IFT88: variants seen among roughly 807,000 people sequenced by gnomAD.
The protein encoded by IFT88 is intraflagellar transport protein 88 homolog.
Under a neutral mutation model 119.5 loss-of-function variants are expected in IFT88, and 74 were observed. The ratio of observed to expected loss-of-function variants is 0.62; its 90% CI spans 0.51 to 0.75. The LOEUF (loss-of-function observed/expected upper bound fraction) is 0.75, where lower values mean the gene tolerates loss of function less well. IFT88 is among the 30% of genes least tolerant of loss of function. The pLI, the probability that IFT88 is intolerant of heterozygous loss-of-function variation, is 0.00. For missense variants in IFT88, 961 were observed against 977.7 expected (o/e 0.98, Z 0.23); for synonymous variants, 279 against 316.7 (o/e 0.88, Z 1.26).
At chr13:20,663,394 T>C in intron 22 of IFT88, 104 bp from the exon 23 acceptor site, 1 of 1,546,928 alleles carries the variant, frequency 6.5e-7, no homozygotes, top group African/African-American at 1.4e-5. Flanking sequence ...TTTGTAAGCA[T>C]CATTCCTACC....
intron 9 of IFT88, 38 bp from the exon 10 acceptor site, chr13:20,598,613 G>A (rs758597428): frequency 8.1e-7 from 1 of 1,241,204 alleles, no homozygotes; most frequent in Non-Finnish European, 1.2e-6. Flanking sequence ...GGCCTAAAGT[G>A]GTCTTATGTG....
chr13:20,630,882 C>G, intron 15 of IFT88, 134 bp from the exon 16 acceptor site: 1 of 498,236 alleles, frequency 2.0e-6, no homozygotes, highest in Non-Finnish European at 3.6e-6. Flanking sequence ...AATCTGTTTT[C>G]TTGAACATCT....
intron 20 of IFT88, among the ~76,000 whole-genome samples, chr13:20,650,272 T>A (rs1482997294): frequency 2.6e-5 from 4 of 152,190 alleles, no homozygotes; most frequent in Non-Finnish European, 5.9e-5. Flanking sequence ...AAGAAGTACA[T>A]CATTCGCAAG....
chr13:20,628,568 T>C (rs996440249), intron 15 of IFT88, among the ~76,000 whole-genome samples: 1 of 152,224 alleles, frequency 6.6e-6, no homozygotes, highest in Non-Finnish European at 1.5e-5. Context: ...TAAAAACATA[T>C]TTTATGTAGA....
rs2047206217 is a variant in IFT88, at chr13:20,625,842, A to G, written c.1292A>G (p.Tyr431Cys). Residue 431 changes from tyrosine (Y) to cysteine (C), a missense_variant, in exon 15 of 26, where the codon TAT becomes TGT. Physicochemically the swap from Tyr to Cys is radical, Grantham distance 194. Transcript: ENST00000351808. ...KAVTYLRQKD[Y>C]NQAVEILKVL... Reference sequence around the variant, plus strand: ...GTTACATACTTGAGACAAAAAGACTATAACCAAGTAAGTTTTAAAAAAAAT... The same window carrying G: ...GTTACATACTTGAGACAAAAAGACTGTAACCAAGTAAGTTTTAAAAAAAAT... The G allele has an allele frequency of 1.9e-6, 3 of 1,576,586 alleles. No individual in the cohort carries two copies. Among genetic ancestry groups the G allele is most frequent in the Non-Finnish European group, 2.6e-6 (3 of 1,165,354 alleles).
intron 1 of IFT88, among the ~76,000 whole-genome samples, chr13:20,568,747 G>T (rs532708256): frequency 8.6e-5 from 13 of 151,538 alleles, no homozygotes; most frequent in African/African-American, 2.7e-4. Context: ...AGACGGAGTC[G>T]CACGCTCTGT....
intron 23 of IFT88, 124 bp downstream of exon 23, chr13:20,663,728 C>A (rs1256805764): frequency 1.2e-5 from 8 of 672,640 alleles, no homozygotes; most frequent in Non-Finnish European, 2.0e-5. Flanking sequence ...TCTGCTCTGA[C>A]ATAATAGGAG....
chr13:20,633,506 A>G (rs1246510578), intron 16 of IFT88, among the ~76,000 whole-genome samples: 1 of 152,348 alleles, frequency 6.6e-6, no homozygotes, highest in East Asian at 1.9e-4. Context: ...CTGACGGGCA[A>G]GTCCATGGCG....
At chr13:20,593,216 G>C (rs1194706519) in intron 7 of IFT88, among the ~76,000 whole-genome samples, 1 of 152,084 alleles carries the variant, frequency 6.6e-6, no homozygotes, top group Non-Finnish European at 1.5e-5. Flanking sequence ...TACATCTGCT[G>C]GTATCCAAGT....
chr13:20,597,895 C>T (rs779071814), intron 9 of IFT88, among the ~76,000 whole-genome samples: 17 of 151,488 alleles, frequency 1.1e-4, no homozygotes, highest in Non-Finnish European at 2.2e-4. Context: ...GTAGACTTTT[C>T]GGTCAGTGAT....
At chr13:20,656,491 A>G (rs1184703550) in intron 22 of IFT88, 61 bp downstream of exon 22, 2 of 738,648 alleles carry the variant, frequency 2.7e-6, no homozygotes, top group Non-Finnish European at 4.4e-6. Context: ...ATGTTCTAAT[A>G]TATAATTACC....
chr13:20,674,924 G>A (rs1333507432), intron 24 of IFT88, among the ~76,000 whole-genome samples: 12 of 151,126 alleles, frequency 7.9e-5, no homozygotes, highest in Non-Finnish European at 1.5e-4. Flanking sequence ...CATGTTAGCC[G>A]GGATGGTCTC....
intron 22 of IFT88, among the ~76,000 whole-genome samples, chr13:20,661,929 G>A (rs2053871914): frequency 6.6e-6 from 1 of 152,112 alleles, no homozygotes; most frequent in Non-Finnish European, 1.5e-5. Flanking sequence ...AGGGGTGCTG[G>A]CTGCTTCTGA....
At chr13:20,651,584 T>C (rs962425491) in intron 20 of IFT88, among the ~76,000 whole-genome samples, 1 of 151,778 alleles carries the variant, frequency 6.6e-6, no homozygotes, top group Non-Finnish European at 1.5e-5. Context: ...TCCACCTTTA[T>C]ACAATGTTTT....
intron 23 of IFT88, among the ~76,000 whole-genome samples, chr13:20,668,715 A>G (rs2055212657): frequency 6.6e-6 from 1 of 152,232 alleles, no homozygotes; most frequent in Non-Finnish European, 1.5e-5. Flanking sequence ...ACCAGGGGAC[A>G]CACAGGGGGT....
At chr13:20,684,268 GCAGCTACTTTTTGCC>G (rs2057641786) in intron 24 of IFT88, among the ~76,000 whole-genome samples, 2 of 152,174 alleles carry the variant, frequency 1.3e-5, no homozygotes, top group African/African-American at 4.8e-5. Context: ...AGTCACTGGG[GCAGCTACTTTTTGCC>G]CAGTGTCCTC....
chr13:20,594,496 C>G (rs1247737265), intron 7 of IFT88, among the ~76,000 whole-genome samples: 1 of 152,102 alleles, frequency 6.6e-6, no homozygotes, highest in African/African-American at 2.4e-5. Context: ...GTGGCAGGCT[C>G]TGTGTGGGTA....
chr13:20,615,960 T>G, intron 14 of IFT88, 81 bp downstream of exon 14: 2 of 697,962 alleles, frequency 2.9e-6, no homozygotes, highest in Non-Finnish European at 4.5e-6. Context: ...AATATTGTCA[T>G]TAGAAAAGTG....
At chr13:20,573,771 TTTAA>T (rs2036846371) in intron 1 of IFT88, among the ~76,000 whole-genome samples, 1 of 152,224 alleles carries the variant, frequency 6.6e-6, no homozygotes, top group Non-Finnish European at 1.5e-5. Flanking sequence ...TGCCTTGCAT[TTTAA>T]TTGACTGTTG....
Sources: gnomAD v4.1 joint callset for allele counts (sites outside exome capture counted in the v4.1 genomes callset) on GRCh38, gnomAD v4.1.1 for gene constraint, MANE v1.5 for transcripts, NCBI Gene and HGNC (gene_info 2026-07-23, HGNC 2026-07-21) for gene names.